The following HTR4 variants were observed in gnomAD, a reference collection of about 807,000 sequenced individuals.
The protein encoded by HTR4 is 5-hydroxytryptamine receptor 4.
A neutral mutation model predicts 36.8 loss-of-function variants in HTR4; 16 were observed. The ratio of observed to expected loss-of-function variants is 0.43; its 90% CI spans 0.29 to 0.66. The LOEUF is 0.66. Ranked by LOEUF, HTR4 falls within the 30% of genes least tolerant of loss-of-function variation. The pLI is 0.13. For synonymous variants in HTR4, 189 were observed against 185.1 expected (o/e 1.02, Z -0.17); for missense variants, 438 against 490.9 (o/e 0.89, Z 1.02).
At chr5:148,479,564 T>G (rs1755809738), downstream of HTR4, among the ~76,000 whole-genome samples, 1 of 152,156 alleles carries the variant, frequency 6.6e-6, no homozygotes, top group South Asian at 2.1e-4. Context: ...AGGCTCCAAT[T>G]TTTTCCATAA....
chr5:148,552,690 T>C (rs1339180856), intron 2 of HTR4, among the ~76,000 whole-genome samples: 3 of 152,244 alleles, frequency 2.0e-5, no homozygotes, highest in Non-Finnish European at 2.9e-5. Context: ...TTTACTGTTA[T>C]CTGAAATGAC....
chr5:148,587,392 T>C (rs868850294), intron 2 of HTR4, among the ~76,000 whole-genome samples: 1 of 152,144 alleles, frequency 6.6e-6, no homozygotes, highest in Non-Finnish European at 1.5e-5. Context: ...TACTGAAATT[T>C]AGACTTGGTG....
chr5:148,515,446 T>C (rs1163066160), intron 5 of HTR4, among the ~76,000 whole-genome samples: 1 of 152,238 alleles, frequency 6.6e-6, no homozygotes, highest in African/African-American at 2.4e-5. Flanking sequence ...TCCTGCATTA[T>C]GGTGTTTCAA....
intron 2 of HTR4, among the ~76,000 whole-genome samples, chr5:148,636,637 AT>A (rs1457259332): frequency 6.6e-6 from 1 of 152,190 alleles, no homozygotes; most frequent in Non-Finnish European, 1.5e-5. Context: ...AGCAACGTGA[AT>A]TTGTCTCAAG....
At chr5:148,494,018 C>T (rs1285699624) in intron 6 of HTR4, among the ~76,000 whole-genome samples, 1 of 152,214 alleles carries the variant, frequency 6.6e-6, no homozygotes, top group Non-Finnish European at 1.5e-5. Context: ...ATCATTTCCT[C>T]ATCCATGGGT....
chr5:148,618,706 A>G (rs1752801008), intron 2 of HTR4, among the ~76,000 whole-genome samples: 2 of 152,046 alleles, frequency 1.3e-5, no homozygotes, highest in African/African-American at 4.8e-5. Context: ...TCCCTTTCCT[A>G]TGGGACCTCC....
chr5:148,633,721 C>T lies in HTR4; in HGVS notation c.26+3268G>A, dbSNP rs190405395. Among the ~76,000 whole-genome samples the T allele has an allele frequency of 5.6e-4, 85 of 152,178 alleles. 1 individual carries two copies. The highest frequency in any genetic ancestry group is 5.2e-3 in the Admixed American group (79 of 15,276). On this transcript the variant is annotated intron_variant, in intron 2 of 6. Coordinates refer to ENST00000377888, the MANE Select transcript of HTR4 (RefSeq NM_000870.7). ...GATCCTTAAGCCCAGGAAATTGTCTCCCTCTTTCTGACACAAAGTGTAGGT... is the reference window on the plus strand; with the variant it reads ...GATCCTTAAGCCCAGGAAATTGTCTTCCTCTTTCTGACACAAAGTGTAGGT...
intron 4 of HTR4, among the ~76,000 whole-genome samples, chr5:148,533,666 C>T (rs529321851): frequency 7.4e-4 from 112 of 152,274 alleles, no homozygotes; most frequent in African/African-American, 2.6e-3. Flanking sequence ...TACGTCTTCA[C>T]CATTGGGTAC....
chr5:148,648,910 A>G (rs75929680), intron 1 of HTR4, among the ~76,000 whole-genome samples: 1,908 of 152,276 alleles, frequency 0.013, 41 homozygotes, highest in African/African-American at 0.042. Flanking sequence ...TCCTTCCTGG[A>G]GCCAAGTTCC....
chr5:148,476,595 G>A, downstream of HTR4: 1 of 1,492,714 alleles, frequency 6.7e-7, no homozygotes, highest in South Asian at 1.4e-5. Flanking sequence ...GTACAGTGGA[G>A]ATGCCGTAAC....
chr5:148,522,449 G>A (rs1758067448), intron 5 of HTR4, among the ~76,000 whole-genome samples: 1 of 152,120 alleles, frequency 6.6e-6, no homozygotes, highest in Admixed American at 6.5e-5. Flanking sequence ...ATAAGCTTGT[G>A]AGCCTGGGTT....
intron 1 of HTR4, chr5:148,645,281 C>T (rs1321429105): frequency 6.6e-6 from 1 of 152,172 alleles, no homozygotes; most frequent in African/African-American, 2.4e-5. Flanking sequence ...GTCACAACTA[C>T]TCAACTCTGC....
intron 6 of HTR4, among the ~76,000 whole-genome samples, chr5:148,507,514 A>T (rs1757282742): frequency 6.6e-6 from 1 of 152,012 alleles, no homozygotes; most frequent in Admixed American, 6.6e-5. Flanking sequence ...CCTAGAACTT[A>T]AAGTATAATA....
chr5:148,546,368 G>C (rs545707017), intron 4 of HTR4, among the ~76,000 whole-genome samples: 1 of 152,264 alleles, frequency 6.6e-6, no homozygotes, highest in South Asian at 2.1e-4. Context: ...ACTCAGAAAG[G>C]CTTAATCACT....
chr5:148,490,674 A>G (rs1756375602), intron 6 of HTR4: 11 of 1,178,696 alleles, frequency 9.3e-6, no homozygotes, highest in Non-Finnish European at 1.1e-5. Context: ...AACACTTTTA[A>G]TTGACTGATG....
intron 4 of HTR4, among the ~76,000 whole-genome samples, chr5:148,529,364 G>T (rs751440508): frequency 6.6e-6 from 1 of 152,158 alleles, no homozygotes; most frequent in African/African-American, 2.4e-5. Context: ...CAAGTGGGAG[G>T]TGATTGAATC....
chr5:148,455,146 G>T (rs1318982510), intron 5 of HTR4, among the ~76,000 whole-genome samples: 1 of 152,076 alleles, frequency 6.6e-6, no homozygotes, highest in Non-Finnish European at 1.5e-5. Context: ...TAAGTGGCAG[G>T]TGCTCTACTT....
chr5:148,643,376 T>G (rs554789885), intron 1 of HTR4, among the ~76,000 whole-genome samples: 2 of 152,278 alleles, frequency 1.3e-5, no homozygotes, highest in African/African-American at 4.8e-5. Context: ...ACACTTCCAT[T>G]TCATGTTGTG....
intron 6 of HTR4, among the ~76,000 whole-genome samples, chr5:148,496,014 C>A (rs753522481): frequency 6.6e-6 from 1 of 152,076 alleles, no homozygotes; most frequent in African/African-American, 2.4e-5. Context: ...GCAAGGGAAT[C>A]GCTTGAACTC....
Sources: gnomAD v4.1 joint callset for allele counts (sites outside exome capture counted in the v4.1 genomes callset) on GRCh38, gnomAD v4.1.1 for gene constraint, MANE v1.5 for transcripts, NCBI Gene and HGNC (gene_info 2026-07-23, HGNC 2026-07-21) for gene names.